Variants in EMID1 observed in about 807,000 individuals in gnomAD.
The protein encoded by EMID1 is EMI domain-containing protein 1.
Under a neutral mutation model 60.6 loss-of-function variants are expected in EMID1, and 40 were observed. The ratio of observed to expected loss-of-function variants is 0.66; its 90% confidence interval spans 0.51 to 0.86. The LOEUF (loss-of-function observed/expected upper bound fraction) is 0.86, where lower values mean the gene tolerates loss of function less well. Ranked by LOEUF, EMID1 falls within the 40% of genes least tolerant of loss-of-function variation. The probability of loss-of-function intolerance (pLI) is 0.00; values close to 1 mark genes in which losing one functional copy is unlikely to be tolerated. For missense variants in EMID1, 585 were observed against 597.1 expected (o/e 0.98, Z 0.21); for synonymous variants, 242 against 231.0 (o/e 1.05, Z -0.43).
chr22:29,231,624 C>G lies in EMID1; in HGVS notation c.618C>G (p.Pro206=). 6.6e-7 allele frequency: 1 copy of G among 1,515,982 alleles called. No homozygotes were observed. The highest frequency in any genetic ancestry group is 1.3e-5 in the South Asian group (1 of 77,506). 93.9% of individuals were successfully genotyped at this position (1,515,982 alleles called of 1,614,324 possible). A position where few individuals can be genotyped will look rare whatever the true frequency, so the allele number is the denominator to read the frequency against. Residue 206 remains proline, a synonymous_variant, in exon 7 of 15, where the codon CCC becomes CCG. Transcript: ENST00000334018. Reference sequence around the variant, plus strand: ...TCGGTGCTTGGGGGCTTCCCGGGCCCACCGGCCCCAAGGGAGATGCCGGCA... The same window carrying G: ...TCGGTGCTTGGGGGCTTCCCGGGCCGACCGGCCCCAAGGGAGATGCCGGCA... The part of the protein sequence containing the change: ...DQVGAWGLPG[P]TGPKGDAGSR...
chr22:29,219,331 TG>T (rs770952204), intron 3 of EMID1, among the ~76,000 whole-genome samples: 17 of 148,248 alleles, frequency 1.1e-4, no homozygotes, highest in Non-Finnish European at 2.2e-4. Context: ...CCCCTCCCCA[TG>T]GGCCCCCTGG....
chr22:29,217,097 G>A (rs942070064), intron 3 of EMID1, among the ~76,000 whole-genome samples: 10 of 152,204 alleles, frequency 6.6e-5, no homozygotes, highest in Non-Finnish European at 1.3e-4. Context: ...AATCCCCAGG[G>A]CATGGGGGCC....
At chr22:29,215,775 A>T in intron 3 of EMID1, 145 bp downstream of exon 3, 1 of 679,090 alleles carries the variant, frequency 1.5e-6, no homozygotes, top group Non-Finnish European at 2.5e-6. Flanking sequence ...GCTCAGACAC[A>T]GTCAGTGCTT....
At chr22:29,210,949 A>G (rs1222297751) in intron 1 of EMID1, among the ~76,000 whole-genome samples, 1 of 151,014 alleles carries the variant, frequency 6.6e-6, no homozygotes, top group African/African-American at 2.4e-5. Context: ...GTTTGTGTAC[A>G]TGTGAGAAGT....
At chr22:29,222,230 A>T (rs1441983979) in intron 3 of EMID1, among the ~76,000 whole-genome samples, 1 of 152,026 alleles carries the variant, frequency 6.6e-6, no homozygotes, top group Non-Finnish European at 1.5e-5. Context: ...AGTAGCTGGG[A>T]CTACAGGCAT....
At chr22:29,230,766 A>G (rs539018346) in intron 5 of EMID1, among the ~76,000 whole-genome samples, 1 of 152,342 alleles carries the variant, frequency 6.6e-6, no homozygotes, top group Admixed American at 6.5e-5. Flanking sequence ...AGCCTGGGCA[A>G]CATAGCGAGA....
At chr22:29,244,860 G>A (rs1290102307) in intron 13 of EMID1, among the ~76,000 whole-genome samples, 3 of 152,134 alleles carry the variant, frequency 2.0e-5, no homozygotes, top group Non-Finnish European at 4.4e-5. Flanking sequence ...CAGAGTGGAG[G>A]CAGACACTCC....
At chr22:29,231,167 T>C in intron 6 of EMID1, 27 bp downstream of exon 6, 1 of 1,573,106 alleles carries the variant, frequency 6.4e-7, no homozygotes, top group Non-Finnish European at 8.6e-7. Context: ...GACTCCCCTG[T>C]GGGAATGAGC....
chr22:29,231,481 G>A (rs1173973904), intron 6 of EMID1, 112 bp from the exon 7 acceptor site: 3 of 1,162,954 alleles, frequency 2.6e-6, no homozygotes, highest in Admixed American at 4.0e-5. Context: ...CATAGAGAGT[G>A]TGAGGGTCCC....
intron 1 of EMID1, among the ~76,000 whole-genome samples, chr22:29,210,279 G>A (rs1467990723): frequency 6.9e-6 from 1 of 144,644 alleles, no homozygotes; most frequent in Non-Finnish European, 1.5e-5. Context: ...TTGAGACGGA[G>A]TTTTGCTCCT....
intron 10 of EMID1, 85 bp from the exon 11 acceptor site, chr22:29,234,052 C>A: frequency 6.8e-7 from 1 of 1,478,806 alleles, no homozygotes; most frequent in Non-Finnish European, 9.2e-7. Flanking sequence ...CAAGCTTGAG[C>A]GCCCTCCCCA....
intron 14 of EMID1, among the ~76,000 whole-genome samples, chr22:29,256,923 T>C (rs2041727301): frequency 6.6e-6 from 1 of 152,046 alleles, no homozygotes; most frequent in Non-Finnish European, 1.5e-5. Flanking sequence ...TTCTAGAAAC[T>C]TCAGTGCCTA....
Position 29,234,123 on chromosome 22 carries a change from G to A in EMID1, c.967-14G>A, listed in dbSNP as rs372104974. 19 of 1,575,028 alleles carry A rather than the reference G, an allele frequency of 1.2e-5. No homozygotes were observed. Among genetic ancestry groups the A allele is most frequent in the Non-Finnish European group, 1.3e-5 (15 of 1,159,568 alleles). ...TGCCCCAACACAAGGCTGAGGCCCT[G>A]TCTTGTTGCTCAGGGACCCCCAGGC... is the stretch of plus-strand genomic sequence containing the variant. On this transcript the variant is annotated splice_polypyrimidine_tract_variant and intron_variant, in intron 10 of 14. Coordinates refer to ENST00000334018, the MANE Select transcript of EMID1 (RefSeq NM_133455.4).
At chr22:29,237,507 C>A (rs1323897604) in intron 12 of EMID1, among the ~76,000 whole-genome samples, 1 of 143,704 alleles carries the variant, frequency 7.0e-6, no homozygotes, top group Non-Finnish European at 1.5e-5. Context: ...TATGTAAAAT[C>A]TGAGTTTCTG....
chr22:29,233,528 G>A, intron 9 of EMID1, 60 bp downstream of exon 9: 2 of 1,606,828 alleles, frequency 1.2e-6, no homozygotes. Flanking sequence ...AGGGAATAGG[G>A]TTTGTGGCTA....
At chr22:29,254,706 A>G (rs913713009) in intron 14 of EMID1, 1 of 202,026 alleles carries the variant, frequency 4.9e-6, no homozygotes, top group African/African-American at 2.3e-5. Flanking sequence ...GCTCAGGACA[A>G]CAGGAGGATT....
chr22:29,255,451 GCCCAGGCCAGCGGACACT>G, intron 14 of EMID1: 1 of 969,872 alleles, frequency 1.0e-6, no homozygotes. Flanking sequence ...CCGATGCTTG[GCCCAGGCCAGCGGACACT>G]CATTCTTCAT....
At chr22:29,254,428 G>A (rs1051113194) in intron 14 of EMID1, 141 bp downstream of exon 14, 1 of 764,424 alleles carries the variant, frequency 1.3e-6, no homozygotes, top group South Asian at 1.5e-5. Context: ...GACCTGAGAG[G>A]CCACAACCAC....
At chr22:29,243,537 A>G (rs745381070) in intron 13 of EMID1, 48 bp downstream of exon 13, 5 of 1,609,314 alleles carry the variant, frequency 3.1e-6, no homozygotes, top group South Asian at 1.1e-5. Flanking sequence ...TCAGCCCTAC[A>G]TGCTCAAGAG....
Sources: gnomAD v4.1 joint callset for allele counts (sites outside exome capture counted in the v4.1 genomes callset) on GRCh38, gnomAD v4.1.1 for gene constraint, MANE v1.5 for transcripts, NCBI Gene and HGNC (gene_info 2026-07-23, HGNC 2026-07-21) for gene names.